Variants in CSMD1 observed in about 807,000 individuals in gnomAD.
CSMD1 encodes CUB and sushi domain-containing protein 1.
Under a neutral mutation model 417.5 loss-of-function variants are expected in CSMD1, and 213 were observed. That is an observed-to-expected ratio of 0.51 (90% confidence interval 0.46 to 0.57). The LOEUF (loss-of-function observed/expected upper bound fraction) is 0.57, where lower values mean the gene tolerates loss of function less well. CSMD1 is among the 20% of genes least tolerant of loss of function. The pLI is 0.00. For missense variants in CSMD1, 6,923 were observed against 4,529.7 expected, an observed-to-expected ratio of 1.53 and a Z score of -15.17; for synonymous variants, 2,862 against 1,736.8, an observed-to-expected ratio of 1.65 and a Z score of -16.11.
chr8:3,948,744 G>T (rs1358754656), intron 5 of CSMD1, among the ~76,000 whole-genome samples: 5 of 152,090 alleles, frequency 3.3e-5, no homozygotes, highest in Non-Finnish European at 1.5e-5. Context: ...GACTTAATCA[G>T]CTAGAAAAGA....
Position 4,634,789 on chromosome 8 carries a change from G to C in CSMD1, c.302+2553C>G, listed in dbSNP as rs191248961. Among the ~76,000 whole-genome samples, 195 of 152,232 alleles carry C rather than the reference G, an allele frequency of 1.3e-3. 1 individual carries two copies. The highest frequency in any genetic ancestry group is 4.6e-3 in the African/African-American group (192 of 41,548). ...CATCAACTCATCCTGAATGTTGAAA[G>C]AGAAAACACCTCCTCATGTGTTTTC... On this transcript the variant is annotated intron_variant, in intron 2 of 69. Transcript: ENST00000635120.
chr8:3,307,030 T>G (rs959422312), intron 25 of CSMD1, among the ~76,000 whole-genome samples: 1 of 124,194 alleles, frequency 8.1e-6, no homozygotes, highest in Non-Finnish European at 1.9e-5. Flanking sequence ...GTTACTTTGG[T>G]ATAATTGCAA....
intron 3 of CSMD1, among the ~76,000 whole-genome samples, chr8:4,358,703 A>G (rs1436071747): frequency 3.3e-5 from 5 of 152,220 alleles, no homozygotes; most frequent in Non-Finnish European, 7.4e-5. Context: ...GAAACCAGGT[A>G]TTTGTAGCTT....
intron 3 of CSMD1, among the ~76,000 whole-genome samples, chr8:4,169,103 CCT>C (rs1563215942): frequency 6.6e-6 from 1 of 152,186 alleles, no homozygotes; most frequent in African/African-American, 2.4e-5. Context: ...AGTCCTTGAA[CCT>C]CTTTTCTCAT....
chr8:4,869,579 T>C, intron 1 of CSMD1, among the ~76,000 whole-genome samples: 1 of 152,072 alleles, frequency 6.6e-6, no homozygotes, highest in East Asian at 1.9e-4. Flanking sequence ...TATTTTGTGT[T>C]AAATGTTGTA....
rs1366768247 is a variant in CSMD1, at chr8:4,266,017, G to A, written c.415+153936C>T. The stretch of plus-strand genomic sequence containing the variant: ...TGGGCTGTGTAAGTCATCCCAAACC[G>A]GCCCACCGCACTCAGGCTCGCCCGG... On this transcript the variant is annotated intron_variant, in intron 3 of 69. Coordinates refer to ENST00000635120, the MANE Select transcript of CSMD1 (RefSeq NM_033225.6). Among the ~76,000 whole-genome samples the A allele has an allele frequency of 1.4e-4, 14 of 103,346 alleles. 1 individual carries two copies. Among genetic ancestry groups the A allele is most frequent in the Admixed American group, 2.8e-4 (3 of 10,800 alleles). The allele number at this position is 103,346 out of a possible 152,430, so 67.8% of individuals were successfully genotyped here.
intron 8 of CSMD1, among the ~76,000 whole-genome samples, chr8:3,606,001 A>C (rs567119276): frequency 3.0e-4 from 45 of 152,330 alleles, no homozygotes; most frequent in African/African-American, 9.9e-4. Context: ...ATATAAAATC[A>C]AATCAATAAG....
At chr8:4,269,228 T>C (rs1398713891) in intron 3 of CSMD1, among the ~76,000 whole-genome samples, 1 of 152,110 alleles carries the variant, frequency 6.6e-6, no homozygotes. Flanking sequence ...GGCTAATTTT[T>C]GTATATTTAG....
intron 5 of CSMD1, among the ~76,000 whole-genome samples, chr8:3,831,528 G>C (rs1411284105): frequency 6.6e-6 from 1 of 151,472 alleles, no homozygotes; most frequent in Non-Finnish European, 1.5e-5. Context: ...TGGAGAACAG[G>C]CTGGAGGAAA....
At chr8:4,432,094 G>T (rs1402936014) in intron 2 of CSMD1, among the ~76,000 whole-genome samples, 1 of 152,106 alleles carries the variant, frequency 6.6e-6, no homozygotes, top group African/African-American at 2.4e-5. Flanking sequence ...AGAAATATTG[G>T]CTATTGAGTT....
intron 2 of CSMD1, among the ~76,000 whole-genome samples, chr8:4,562,026 G>C (rs947449983): frequency 1.8e-4 from 28 of 152,200 alleles, no homozygotes; most frequent in Admixed American, 4.6e-4. Context: ...AAATAGAAAA[G>C]GAAGGCCGTA....
At chr8:4,398,385 C>CTTTTTTTTTTTTTTTTTTT (rs1317009143) in intron 3 of CSMD1, among the ~76,000 whole-genome samples, 1 of 118,134 alleles carries the variant, frequency 8.5e-6, no homozygotes, top group Non-Finnish European at 1.7e-5. Context: ...CTTGCTGCAA[C>CTTTTTTTTTTTTTTTTTTT]TTCTTTTTTT....
intron 10 of CSMD1, among the ~76,000 whole-genome samples, chr8:3,547,551 T>G (rs1798720184): frequency 6.6e-6 from 1 of 152,244 alleles, no homozygotes; most frequent in Admixed American, 6.5e-5. Flanking sequence ...CAAAGTCTCA[T>G]ACAAAATTGA....
chr8:4,022,120 A>ATG (rs35457524), intron 4 of CSMD1, among the ~76,000 whole-genome samples: 158 of 23,704 alleles, frequency 6.7e-3, no homozygotes, highest in African/African-American at 0.022. Flanking sequence ...TGGATATAGA[A>ATG]TATATATATA....
At chr8:3,862,241 C>G (rs1261547717) in intron 5 of CSMD1, among the ~76,000 whole-genome samples, 1 of 152,194 alleles carries the variant, frequency 6.6e-6, no homozygotes, top group Non-Finnish European at 1.5e-5. Context: ...CTACCTCATA[C>G]ACAGCTTCCA....
At chr8:3,152,306 T>A (rs979160249) in intron 39 of CSMD1, among the ~76,000 whole-genome samples, 1 of 152,206 alleles carries the variant, frequency 6.6e-6, no homozygotes, top group African/African-American at 2.4e-5. Flanking sequence ...AGACGAAGCA[T>A]TTGAAGTTCC....
At chr8:4,096,653 T>G (rs1299503335) in intron 3 of CSMD1, among the ~76,000 whole-genome samples, 1 of 152,232 alleles carries the variant, frequency 6.6e-6, no homozygotes, top group Non-Finnish European at 1.5e-5. Flanking sequence ...ACTAAGATAT[T>G]TAGATAAGAA....
At chr8:3,177,984 C>T (rs755899766) in intron 37 of CSMD1, among the ~76,000 whole-genome samples, 13 of 152,146 alleles carry the variant, frequency 8.5e-5, no homozygotes, top group Admixed American at 2.0e-4. Context: ...AGTTAAATAA[C>T]GTGAACGAAG....
intron 12 of CSMD1, among the ~76,000 whole-genome samples, chr8:3,455,479 G>C (rs551822680): frequency 6.6e-6 from 1 of 152,300 alleles, no homozygotes; most frequent in East Asian, 1.9e-4. Flanking sequence ...GTGATGTACA[G>C]ATGGGGTTTT....
Sources: allele counts gnomAD v4.1 joint callset (sites outside exome capture counted in the v4.1 genomes callset), GRCh38; gene constraint gnomAD v4.1.1; transcripts MANE v1.5; gene names NCBI Gene and HGNC (gene_info 2026-07-23, HGNC 2026-07-21).